The following KMT2E variants were observed in gnomAD, a reference collection of about 807,000 sequenced individuals.
The protein encoded by KMT2E is lysine methyltransferase 2E (inactive).
Under a neutral mutation model 184.6 loss-of-function variants are expected in KMT2E, and 30 were observed. The observed-to-expected ratio is 0.16, with a 90% confidence interval of 0.12 to 0.22. The LOEUF is 0.22. Ranked by LOEUF, KMT2E falls within the 10% of genes least tolerant of loss-of-function variation. The pLI is 1.00. For missense variants in KMT2E, 2,023 were observed against 2,237.4 expected (o/e 0.90, Z 1.93); for synonymous variants, 815 against 776.5 (o/e 1.05, Z -0.82).
At chr7:105,036,316 G>A (rs1055109978) in intron 1 of KMT2E, among the ~76,000 whole-genome samples, 3 of 151,726 alleles carry the variant, frequency 2.0e-5, no homozygotes, top group African/African-American at 7.3e-5. Flanking sequence ...GGGATTACAG[G>A]TGTATCCACA....
intron 6 of KMT2E, among the ~76,000 whole-genome samples, chr7:105,071,580 G>GTATATATATATATATATATATATATA (rs1438005247): frequency 1.5e-5 from 1 of 64,996 alleles, no homozygotes; most frequent in Non-Finnish European, 2.7e-5. Flanking sequence ...GTATGTGTGT[G>GTATATATATATATATATATATATATA]TGTATATATA....
chr7:105,039,865 C>T (rs560475697), intron 2 of KMT2E, among the ~76,000 whole-genome samples: 6 of 151,966 alleles, frequency 3.9e-5, no homozygotes, highest in Non-Finnish European at 8.8e-5. Flanking sequence ...CTGAGTTGCA[C>T]CTGTATAATT....
intron 3 of KMT2E, among the ~76,000 whole-genome samples, chr7:105,049,663 G>C (rs1028737125): frequency 6.6e-6 from 1 of 152,122 alleles, no homozygotes; most frequent in African/African-American, 2.4e-5. Flanking sequence ...GGCTGAGGTG[G>C]GCAGATCACC....
chr7:105,039,761 T>C (rs2129565269), intron 2 of KMT2E, among the ~76,000 whole-genome samples: 1 of 152,310 alleles, frequency 6.6e-6, no homozygotes, highest in South Asian at 2.1e-4. Context: ...AATTGCACAC[T>C]GCTTTTCAAT....
chr7:105,105,665 C>A lies in KMT2E; in HGVS notation c.2423C>A (p.Thr808Asn), dbSNP rs200021554. ...GAAAAAAGGAGAAGAAAAGAACCTA[C>A]TGAAAACATTTCTGGTTCATGCAAG... Reference protein sequence around the residue: ...LSEKRRRKEPTENISGSCKKR... With the variant: ...LSEKRRRKEPNENISGSCKKR... The change falls in exon 18 of 27, where the codon ACT (threonine) becomes AAT (asparagine). Residue 808 changes from threonine (T) to asparagine (N), a missense_variant. Thr to Asn is a moderately conservative substitution (Grantham distance 65). Coordinates refer to ENST00000311117, the MANE Select transcript of KMT2E (RefSeq NM_182931.3). The A allele has an allele frequency of 6.8e-5, 109 of 1,603,516 alleles. No homozygotes were observed. In the East Asian group the frequency reaches 2.3e-3, roughly 33 times the overall value.
At position 105,112,976 on chromosome 7, in the gene KMT2E, C is replaced by T. The variant is rs745354424; in HGVS notation, c.5220C>T (p.His1740=). 1 of 1,614,050 alleles carries T rather than the reference C, an allele frequency of 6.2e-7. No individual in the cohort carries two copies. The highest frequency in any genetic ancestry group is 1.1e-5 in the South Asian group (1 of 91,066). Residue 1740 remains histidine, a synonymous_variant, in exon 27 of 27, where the codon CAC becomes CAT. Transcript: ENST00000311117. ...GHHTTSAQAL[H]HPPHQGPPLF... Reference sequence around the variant, plus strand: ...ATACCACATCAGCTCAAGCCTTACACCACCCACCTCATCAAGGACCTCCAC... The same window carrying T: ...ATACCACATCAGCTCAAGCCTTACATCACCCACCTCATCAAGGACCTCCAC...
chr7:105,032,975 A>G (rs539071903), intron 1 of KMT2E, among the ~76,000 whole-genome samples: 2 of 152,316 alleles, frequency 1.3e-5, no homozygotes, highest in East Asian at 1.9e-4. Flanking sequence ...TTGATTTTCA[A>G]ACAGTTCTTC....
At chr7:105,066,172 CAG>C (rs772142287) in intron 5 of KMT2E, among the ~76,000 whole-genome samples, 104 of 152,172 alleles carry the variant, frequency 6.8e-4, no homozygotes, top group Admixed American at 1.2e-3. Flanking sequence ...TACCTGTTGA[CAG>C]AGGAAATTTA....
chr7:105,113,101 C>G lies in KMT2E; in HGVS notation c.5345C>G (p.Thr1782Arg). The change falls in exon 27 of 27, where the codon ACA (threonine) becomes AGA (arginine). Residue 1782 changes from threonine (T) to arginine (R), a missense_variant. Physicochemically the swap from Thr to Arg is moderately conservative, Grantham distance 71. Transcript: ENST00000311117. ...GPGPQHQPSGTGPHCPLPVTG... is the reference protein window; with the variant it reads ...GPGPQHQPSGRGPHCPLPVTG... ...GGACCCCAGCACCAGCCTTCTGGAACAGGGCCACATTGTCCATTACCTGTC... is the reference window on the plus strand; with the variant it reads ...GGACCCCAGCACCAGCCTTCTGGAAGAGGGCCACATTGTCCATTACCTGTC... 6.2e-7 allele frequency: 1 copy of G among 1,614,182 alleles called. No individual in the cohort carries two copies. The highest frequency in any genetic ancestry group is 1.1e-5 in the South Asian group (1 of 91,086).
At chr7:105,043,865 C>T (rs1323417798) in intron 3 of KMT2E, among the ~76,000 whole-genome samples, 1 of 152,142 alleles carries the variant, frequency 6.6e-6, no homozygotes, top group Non-Finnish European at 1.5e-5. Flanking sequence ...CTGAGGCAGG[C>T]AGATCGCTTG....
At chr7:105,084,077 T>G (rs764672726) in intron 13 of KMT2E, among the ~76,000 whole-genome samples, 2 of 152,228 alleles carry the variant, frequency 1.3e-5, no homozygotes, top group Non-Finnish European at 2.9e-5. Flanking sequence ...TTGCAAAAAG[T>G]GCATGGTTTT....
chr7:105,037,683 C>A (rs534717904), intron 1 of KMT2E, among the ~76,000 whole-genome samples: 1 of 152,070 alleles, frequency 6.6e-6, no homozygotes, highest in Admixed American at 6.6e-5. Context: ...TATTTTAACA[C>A]GGTCTTAAAG....
intron 6 of KMT2E, among the ~76,000 whole-genome samples, chr7:105,069,930 C>T (rs557557845): frequency 4.6e-5 from 7 of 152,128 alleles, no homozygotes; most frequent in Admixed American, 3.3e-4. Flanking sequence ...CTTCATTTGA[C>T]CCAGTATGTG....
intron 1 of KMT2E, among the ~76,000 whole-genome samples, chr7:105,016,144 C>T (rs1794709358): frequency 6.6e-6 from 1 of 152,142 alleles, no homozygotes. Context: ...CCTCTTGACC[C>T]ATTTTGTGGA....
At chr7:105,103,210 A>T (rs768109286) in intron 17 of KMT2E, 3 of 152,212 alleles carry the variant, frequency 2.0e-5, no homozygotes, top group African/African-American at 4.8e-5. Context: ...CCTACCTTTT[A>T]TTAAACTTTT....
intron 13 of KMT2E, among the ~76,000 whole-genome samples, chr7:105,088,839 T>G (rs926411422): frequency 6.6e-6 from 1 of 152,224 alleles, no homozygotes; most frequent in Non-Finnish European, 1.5e-5. Flanking sequence ...TTTCTCAGGC[T>G]TCCATTTGAA....
At position 105,078,911 on chromosome 7, in the gene KMT2E, C is replaced by T; in HGVS notation, c.1196C>T (p.Thr399Ile). Residue 399 changes from threonine to isoleucine, a missense_variant, in exon 12 of 27, where the codon ACT becomes ATT. Thr to Ile is a moderately conservative substitution (Grantham distance 89). This residue lies in a region of KMT2E where 68 missense variants were observed against 133.1 expected (regional missense o/e 0.51). Transcript: ENST00000311117. The stretch of plus-strand genomic sequence containing the variant: ...CTAGAAATGTGTGTTGATGCAAGGA[C>T]TTTTGGGAATGAGGCTCGATTCATC... ...HGLEMCVDAR[T>I]FGNEARFIRR... 1 of 1,611,932 alleles carries T rather than the reference C, an allele frequency of 6.2e-7. No individual in the cohort carries two copies. Among genetic ancestry groups the T allele is most frequent in the Admixed American group, 1.7e-5 (1 of 59,956 alleles).
chr7:105,105,875 C>T lies in KMT2E; in HGVS notation c.2468C>T (p.Ala823Val). 1 of 1,612,678 alleles carries T rather than the reference C, an allele frequency of 6.2e-7. No individual in the cohort carries two copies. The highest frequency in any genetic ancestry group is 8.5e-7 in the Non-Finnish European group (1 of 1,179,590). ...GSCKKRWLKQ[A>V]LEEENSAILH... ...TTTATTCAGCGATGGTTGAAACAAGCTCTGGAAGAAGAAAATTCAGCAATT... is the reference window on the plus strand; with the variant it reads ...TTTATTCAGCGATGGTTGAAACAAGTTCTGGAAGAAGAAAATTCAGCAATT... Residue 823 changes from alanine to valine, a missense_variant, in exon 19 of 27, where the codon GCT becomes GTT. Transcript: ENST00000311117.
chr7:105,066,417 CATTA>C (rs1562902716), intron 5 of KMT2E, among the ~76,000 whole-genome samples: 2 of 152,132 alleles, frequency 1.3e-5, no homozygotes, highest in South Asian at 4.1e-4. Context: ...GTGCTTTTCT[CATTA>C]ATTACAAATA....
Sources: allele counts gnomAD v4.1 joint callset (sites outside exome capture counted in the v4.1 genomes callset), GRCh38; gene constraint gnomAD v4.1.1; regional missense constraint gnomAD v4.1.1; transcripts MANE v1.5; gene names NCBI Gene and HGNC (gene_info 2026-07-23, HGNC 2026-07-21).